SLC8A3: variants seen among roughly 807,000 people sequenced by gnomAD.
SLC8A3 encodes the protein sodium/calcium exchanger 3.
In SLC8A3, 37 loss-of-function variants were observed where a neutral mutation model predicts 65.4. That is an observed-to-expected ratio of 0.57 (90% confidence interval 0.44 to 0.74). SLC8A3 has a LOEUF of 0.74. SLC8A3 is among the 30% of genes least tolerant of loss of function. The probability of loss-of-function intolerance (pLI) is 0.00; values close to 1 mark genes in which losing one functional copy is unlikely to be tolerated. For synonymous variants in SLC8A3, 461 were observed against 444.5 expected, an observed-to-expected ratio of 1.04 and a Z score of -0.47; for missense variants, 1,112 against 1,172.1, an observed-to-expected ratio of 0.95 and a Z score of 0.75.
In SLC8A3 at chr14:70,167,112, A is replaced by G; in HGVS notation, c.1311T>C (p.Asp437=). ...AGTCAGCCCCTGCATTGGCAGAACC[A>G]TCCTCTGTTTTGTAGTCCACATACA... ...KTMYVDYKTE[D]GSANAGADYE... Residue 437 remains aspartate (D), a synonymous_variant, in exon 2 of 7, where the codon GAT becomes GAC. Coordinates refer to ENST00000356921, the MANE Select transcript of SLC8A3 (RefSeq NM_182932.3). 6.2e-7 allele frequency: 1 copy of G among 1,614,052 alleles called. No homozygotes were observed. Among genetic ancestry groups the G allele is most frequent in the South Asian group, 1.1e-5 (1 of 91,066 alleles).
At chr14:70,161,698 A>G (rs1896904669) in intron 2 of SLC8A3, among the ~76,000 whole-genome samples, 1 of 152,252 alleles carries the variant, frequency 6.6e-6, no homozygotes. Flanking sequence ...GAGGCAAATC[A>G]TCTCCCTCTG....
chr14:70,045,719 G>T lies in SLC8A3; in HGVS notation c.*228C>A. The T allele has an allele frequency of 2.4e-6, 1 of 420,766 alleles. No homozygotes were observed. The highest frequency in any genetic ancestry group is 4.2e-6 in the Non-Finnish European group (1 of 235,376). 26.1% of individuals were successfully genotyped at this position (420,766 alleles called of 1,614,324 possible). On this transcript the variant is annotated 3_prime_UTR_variant, in exon 7 of 7. Transcript: ENST00000356921. Reference sequence around the variant, plus strand: ...GTGGATTTGTTGCTGTTGCTTGTTTGTATTCAATTAAATACTGTGTAAAGT... The same window carrying T: ...GTGGATTTGTTGCTGTTGCTTGTTTTTATTCAATTAAATACTGTGTAAAGT...
chr14:70,160,158 T>C (rs998484898), intron 2 of SLC8A3, among the ~76,000 whole-genome samples: 3 of 152,158 alleles, frequency 2.0e-5, no homozygotes, highest in African/African-American at 7.2e-5. Flanking sequence ...TTAAAGTATA[T>C]GGGGGGCTGG....
chr14:70,109,292 T>C (rs950057933), intron 2 of SLC8A3, among the ~76,000 whole-genome samples: 6 of 148,478 alleles, frequency 4.0e-5, no homozygotes, highest in Non-Finnish European at 8.9e-5. Flanking sequence ...TTAACCTATA[T>C]ATATATATGT....
intron 2 of SLC8A3, among the ~76,000 whole-genome samples, chr14:70,073,841 G>A (rs928747540): frequency 1.5e-4 from 23 of 152,184 alleles, no homozygotes; most frequent in Middle Eastern, 3.2e-3. Flanking sequence ...TGGGTCAAAT[G>A]CAGTCAAAAC....
chr14:70,098,757 TCAAA>T (rs1892363929), intron 2 of SLC8A3, among the ~76,000 whole-genome samples: 1 of 152,054 alleles, frequency 6.6e-6, no homozygotes, highest in African/African-American at 2.4e-5. Flanking sequence ...CCTTAAACAG[TCAAA>T]CACTTAGCAG....
chr14:70,151,749 T>C (rs962080406), intron 2 of SLC8A3, among the ~76,000 whole-genome samples: 1 of 152,182 alleles, frequency 6.6e-6, no homozygotes, highest in African/African-American at 2.4e-5. Flanking sequence ...GCAGGACTGA[T>C]TCCTTCTAGA....
chr14:70,090,925 G>T (rs1390044475), intron 2 of SLC8A3, among the ~76,000 whole-genome samples: 2 of 152,164 alleles, frequency 1.3e-5, no homozygotes, highest in East Asian at 1.9e-4. Context: ...ACAATATTTT[G>T]TATATAATTT....
At chr14:70,088,106 G>C (rs748642987) in intron 2 of SLC8A3, among the ~76,000 whole-genome samples, 80 of 152,182 alleles carry the variant, frequency 5.3e-4, no homozygotes, top group Non-Finnish European at 1.1e-3. Flanking sequence ...GTGAGGGGCA[G>C]AGATTAGGAA....
rs189585563 is a variant in SLC8A3, at chr14:70,181,159, G to A, written c.-63+7220C>T. On this transcript the variant is annotated intron_variant, in intron 1 of 6. Transcript: ENST00000356921. ...AATCCAAGGCCCAGAGAACAGAGGT[G>A]AGTCTTACCTGTGGTTGTCAGAAGT... is the stretch of plus-strand genomic sequence containing the variant. 2.5e-3 allele frequency among the ~76,000 whole-genome samples: 384 copies of A among 152,268 alleles called. 2 individuals are homozygous for A. Among genetic ancestry groups the A allele is most frequent in the African/African-American group, 8.6e-3 (358 of 41,552 alleles).
At position 70,117,418 on chromosome 14, in the gene SLC8A3, C is replaced by T. The variant is rs146721361; in HGVS notation, c.1784+49221G>A. ...TCTGTGCCCAGTTGGGCTTCTTTCA[C>T]TTCCTCCACAGGTATGGAGCCTTAG... On this transcript the variant is annotated intron_variant, in intron 2 of 6. Coordinates refer to ENST00000356921, the MANE Select transcript of SLC8A3 (RefSeq NM_182932.3). 5.8e-3 allele frequency among the ~76,000 whole-genome samples: 886 copies of T among 152,318 alleles called. 9 individuals carry two copies. Among genetic ancestry groups the T allele is most frequent in the African/African-American group, 0.02 (836 of 41,572 alleles).
intron 2 of SLC8A3, 96 bp from the exon 3 acceptor site, chr14:70,061,035 G>A (rs933326415): frequency 3.1e-6 from 2 of 635,704 alleles, no homozygotes; most frequent in African/African-American, 3.7e-5. Flanking sequence ...CGTCATTCCT[G>A]GCACATGCAG....
chr14:70,109,132 G>A (rs149656716), intron 2 of SLC8A3, among the ~76,000 whole-genome samples: 27 of 150,414 alleles, frequency 1.8e-4, no homozygotes, highest in African/African-American at 6.1e-4. Context: ...TTAAGGAGAG[G>A]GACTTTGTTT....
At chr14:70,126,795 C>T (rs908264122) in intron 2 of SLC8A3, among the ~76,000 whole-genome samples, 2 of 151,876 alleles carry the variant, frequency 1.3e-5, no homozygotes, top group Non-Finnish European at 2.9e-5. Flanking sequence ...AAAATTGGAA[C>T]CTTTTTGAGT....
intron 2 of SLC8A3, among the ~76,000 whole-genome samples, chr14:70,089,887 C>T (rs1891696046): frequency 6.6e-6 from 1 of 151,812 alleles, no homozygotes; most frequent in African/African-American, 2.4e-5. Flanking sequence ...AGCAGAGGAC[C>T]AAGATTTGTA....
intron 1 of SLC8A3, among the ~76,000 whole-genome samples, chr14:70,187,513 C>T (rs896079742): frequency 6.6e-6 from 1 of 151,946 alleles, no homozygotes; most frequent in Non-Finnish European, 1.5e-5. Flanking sequence ...TTGCTTTCAT[C>T]ATCTTTCCCA....
chr14:70,056,115 A>G (rs1395324405), intron 3 of SLC8A3, among the ~76,000 whole-genome samples: 1 of 152,172 alleles, frequency 6.6e-6, no homozygotes, highest in Non-Finnish European at 1.5e-5. Flanking sequence ...GGGGAACCAA[A>G]TGGGTAGGTT....
At chr14:70,065,000 G>C (rs938572859) in intron 2 of SLC8A3, among the ~76,000 whole-genome samples, 14 of 152,104 alleles carry the variant, frequency 9.2e-5, no homozygotes, top group Non-Finnish European at 1.8e-4. Context: ...GACACTGCTA[G>C]GTGGGTGGGT....
chr14:70,049,585 C>A (rs1471960725), intron 5 of SLC8A3, among the ~76,000 whole-genome samples: 1 of 151,046 alleles, frequency 6.6e-6, no homozygotes, highest in Non-Finnish European at 1.5e-5. Flanking sequence ...ACCTATGTAA[C>A]AAAACTCTAT....
Sources: allele counts gnomAD v4.1 joint callset (sites outside exome capture counted in the v4.1 genomes callset), GRCh38; gene constraint gnomAD v4.1.1; transcripts MANE v1.5; gene names NCBI Gene and HGNC (gene_info 2026-07-23, HGNC 2026-07-21).